Variants in SSC4D observed in about 807,000 individuals in gnomAD.
The protein encoded by SSC4D is scavenger receptor cysteine rich family member with 4 domains.
A neutral mutation model predicts 63.4 loss-of-function variants in SSC4D; 57 were observed. The observed-to-expected ratio is 0.90, with a 90% CI of 0.73 to 1.12. The LOEUF is 1.12. Ranked by LOEUF, SSC4D falls within the 50% of genes most tolerant of loss-of-function variation. SSC4D has a pLI of 0.00. For missense variants in SSC4D, 791 were observed against 806.4 expected, an observed-to-expected ratio of 0.98 and a Z score of 0.23; for synonymous variants, 352 against 345.4, an observed-to-expected ratio of 1.02 and a Z score of -0.21.
intron 6 of SSC4D, among the ~76,000 whole-genome samples, chr7:76,396,396 C>T (rs992791025): frequency 5.5e-4 from 83 of 152,210 alleles, no homozygotes; most frequent in African/African-American, 1.8e-3. Context: ...AATCCACCCC[C>T]TAATTTGCAT....
intron 1 of SSC4D, among the ~76,000 whole-genome samples, chr7:76,406,964 A>C (rs557073101): frequency 3.3e-5 from 5 of 151,554 alleles, no homozygotes; most frequent in African/African-American, 1.2e-4. Context: ...TTATTTATTT[A>C]TTTATTTATT....
At chr7:76,408,965 C>T (rs2115826995) in intron 1 of SSC4D, among the ~76,000 whole-genome samples, 1 of 152,310 alleles carries the variant, frequency 6.6e-6, no homozygotes, top group East Asian at 1.9e-4. Flanking sequence ...CTGTTCTCAT[C>T]TGTAAAATGG....
Position 76,389,900 on chromosome 7 carries a change from G to T in SSC4D, c.*159C>A. On this transcript the variant is annotated 3_prime_UTR_variant, in exon 11 of 11. Coordinates refer to ENST00000275560, the MANE Select transcript of SSC4D (RefSeq NM_080744.2). ...CAGTAAGTGGACGGGGGTACAGCCA[G>T]GCTCCCCCAAGCAGGACTGCACTGT... 1 of 884,368 alleles carries T rather than the reference G, an allele frequency of 1.1e-6. No homozygotes were observed. Among genetic ancestry groups the T allele is most frequent in the Non-Finnish European group, 1.7e-6 (1 of 585,308 alleles). The allele number at this position is 884,368 out of a possible 1,614,324, so 54.8% of individuals were successfully genotyped here. A position where few individuals can be genotyped will look rare whatever the true frequency, so the allele number is the denominator to read the frequency against.
intron 1 of SSC4D, among the ~76,000 whole-genome samples, chr7:76,404,735 T>C (rs897249555): frequency 2.0e-5 from 3 of 150,644 alleles, no homozygotes; most frequent in Non-Finnish European, 3.0e-5. Context: ...GATCGAGATA[T>C]AGCCTGGGTA....
chr7:76,403,399 G>A (rs10228920), intron 2 of SSC4D, among the ~76,000 whole-genome samples: 12 of 151,714 alleles, frequency 7.9e-5, no homozygotes, highest in Non-Finnish European at 1.5e-4. Flanking sequence ...GTGCAATGGC[G>A]CAATCTCAGC....
Position 76,389,714 on chromosome 7 carries a change from T to G in SSC4D, c.*345A>C. 1 of 252,086 alleles carries G rather than the reference T, an allele frequency of 4.0e-6. No individual in the cohort carries two copies. The highest frequency in any genetic ancestry group is 7.7e-6 in the Non-Finnish European group (1 of 129,988). The allele number at this position is 252,086 out of a possible 1,614,324, so 15.6% of individuals were successfully genotyped here. On this transcript the variant is annotated 3_prime_UTR_variant, in exon 11 of 11. Coordinates refer to ENST00000275560, the MANE Select transcript of SSC4D (RefSeq NM_080744.2). ...TTAAAGAGCCCCTGAGCCTCCTGGA[T>G]CTAGGTCAAGGAAGGCAGAGTCTGG...
At chr7:76,404,711 G>A (rs921777458) in intron 1 of SSC4D, among the ~76,000 whole-genome samples, 17 of 151,060 alleles carry the variant, frequency 1.1e-4, no homozygotes, top group Admixed American at 4.6e-4. Context: ...CGGGTGGATC[G>A]CTTGAACCCA....
chr7:76,407,311 C>T (rs1805068961), intron 1 of SSC4D, among the ~76,000 whole-genome samples: 1 of 150,680 alleles, frequency 6.6e-6, no homozygotes, highest in African/African-American at 2.4e-5. Context: ...CCTGTGAGCA[C>T]TTTGGGAAGC....
intron 7 of SSC4D, 74 bp downstream of exon 7, chr7:76,395,179 A>G: frequency 6.4e-7 from 1 of 1,564,214 alleles, no homozygotes; most frequent in Non-Finnish European, 8.8e-7. Flanking sequence ...CTGTGAATCC[A>G]GAACATTCTT....
At position 76,393,790 on chromosome 7, in the gene SSC4D, C is replaced by A. The variant is rs541746583; in HGVS notation, c.1021+40G>T. ...GGCTCCCGGCAGAGCCCCAGCCCTA[C>A]CCTTCCCCATCCCCCGCAGACCCAG... On this transcript the variant is annotated intron_variant, in intron 8 of 10. Transcript: ENST00000275560. 5.6e-5 allele frequency: 85 copies of A among 1,514,732 alleles called. 2 individuals are homozygous for A. The East Asian group carries it at 2.2e-3, about 38-fold the overall frequency. 93.8% of individuals were successfully genotyped at this position (1,514,732 alleles called of 1,614,324 possible).
At chr7:76,401,373 C>T (rs1804824155) in intron 2 of SSC4D, among the ~76,000 whole-genome samples, 1 of 152,046 alleles carries the variant, frequency 6.6e-6, no homozygotes, top group Non-Finnish European at 1.5e-5. Context: ...ACTACAAAAC[C>T]TTCTAGAATC....
Position 76,405,323 on chromosome 7 carries a change from TTTTC to T in SSC4D, c.-66-822_-66-819del, listed in dbSNP as rs765504064. On this transcript the variant is annotated intron_variant, in intron 1 of 10. Coordinates refer to ENST00000275560, the MANE Select transcript of SSC4D (RefSeq NM_080744.2). ...TATATATATATATATATATGTATTT[TTTTC>T]TTTCTTTCTTTCTTTTTTTTTTTTT... Among the ~76,000 whole-genome samples the T allele has an allele frequency of 5.2e-3, 151 of 29,176 alleles. 16 individuals are homozygous for T. The highest frequency in any genetic ancestry group is 0.03 in the African/African-American group (146 of 4,924). 19.1% of individuals were successfully genotyped at this position (29,176 alleles called of 152,430 possible).
At position 76,393,636 on chromosome 7, in the gene SSC4D, C is replaced by T. The variant is rs1661410775; in HGVS notation, c.1102G>A (p.Val368Met). 4 of 1,492,092 alleles carry T rather than the reference C, an allele frequency of 2.7e-6. No individual in the cohort carries two copies. The highest frequency in any genetic ancestry group is 2.2e-5 in the Admixed American group (1 of 45,718). 92.4% of individuals were successfully genotyped at this position (1,492,092 alleles called of 1,614,324 possible). A position where few individuals can be genotyped will look rare whatever the true frequency, so the allele number is the denominator to read the frequency against. Reference sequence around the variant, plus strand: ...GCAAAGTCCCAGTCATCGTCGCACACGGTGCCCCAGCCCCCGGCGTGCAAC... The same window carrying T: ...GCAAAGTCCCAGTCATCGTCGCACATGGTGCCCCAGCCCCCGGCGTGCAAC... The part of the protein sequence containing the change: ...EVLHAGGWGT[V>M]CDDDWDFADA... Residue 368 changes from valine (V) to methionine (M), a missense_variant, in exon 9 of 11, where the codon GTG (valine) becomes ATG (methionine). Coordinates refer to ENST00000275560, the MANE Select transcript of SSC4D (RefSeq NM_080744.2).
chr7:76,396,443 G>A lies in SSC4D; in HGVS notation c.868+1075C>T, dbSNP rs149554973. 4.7e-4 allele frequency among the ~76,000 whole-genome samples: 72 copies of A among 152,328 alleles called. No individual in the cohort carries two copies. In the East Asian group the frequency reaches 0.01, roughly 22 times the overall value. On this transcript the variant is annotated intron_variant, in intron 6 of 10. Transcript: ENST00000275560. ...TAAATAGAATTACGACTGCAGACCTGCCTCTCAGCTGCTACTCTGGGCACA... is the reference window on the plus strand; with the variant it reads ...TAAATAGAATTACGACTGCAGACCTACCTCTCAGCTGCTACTCTGGGCACA...
chr7:76,405,192 C>T (rs1804959172), intron 1 of SSC4D, among the ~76,000 whole-genome samples: 1 of 136,066 alleles, frequency 7.3e-6, no homozygotes, highest in Non-Finnish European at 1.6e-5. Context: ...CAACCTCCAT[C>T]TCTCAGGTTC....
intron 7 of SSC4D, 50 bp from the exon 8 acceptor site, chr7:76,393,954 T>C (rs768975710): frequency 1.3e-6 from 2 of 1,540,516 alleles, no homozygotes; most frequent in African/African-American, 2.7e-5. Context: ...GGAGGCCTTC[T>C]GTCCTGCAGC....
intron 10 of SSC4D, 115 bp from the exon 11 acceptor site, chr7:76,390,490 C>T (rs1428813576): frequency 7.4e-6 from 7 of 940,058 alleles, no homozygotes; most frequent in Admixed American, 3.0e-5. Context: ...GCCCTAGGAG[C>T]CGCTAGATGA....
chr7:76,397,441 G>A (rs1243621480), intron 6 of SSC4D, 77 bp downstream of exon 6: 7 of 1,423,992 alleles, frequency 4.9e-6, no homozygotes, highest in Non-Finnish European at 4.6e-6. Context: ...CCTCCCCACC[G>A]AAGCCTCCTC....
At chr7:76,395,168 C>G in intron 7 of SSC4D, 85 bp downstream of exon 7, 1 of 1,519,796 alleles carries the variant, frequency 6.6e-7, no homozygotes, top group East Asian at 2.3e-5. Flanking sequence ...AGGGCCCCCG[C>G]CTGTGAATCC....
Sources: gnomAD v4.1 joint callset for allele counts (sites outside exome capture counted in the v4.1 genomes callset) on GRCh38, gnomAD v4.1.1 for gene constraint, MANE v1.5 for transcripts, NCBI Gene and HGNC (gene_info 2026-07-23, HGNC 2026-07-21) for gene names.